The following C7 variants were observed in gnomAD, a reference collection of about 807,000 sequenced individuals.
The protein encoded by C7 is complement component C7.
C7 carries 83 observed loss-of-function variants against 104.8 expected under a neutral mutation model. That is an observed-to-expected ratio of 0.79 (90% CI 0.66 to 0.95). C7 has a LOEUF of 0.95. C7 is among the 40% of genes least tolerant of loss of function. C7 has a pLI of 0.00. For synonymous variants in C7, 415 were observed against 360.6 expected (o/e 1.15, Z -1.71); for missense variants, 1,070 against 1,011.2 (o/e 1.06, Z -0.79).
intron 7 of C7, among the ~76,000 whole-genome samples, chr5:40,947,235 G>T (rs1740068609): frequency 6.6e-6 from 1 of 151,202 alleles, no homozygotes. Context: ...GAGTAGCTGG[G>T]ATTACAGGTG....
At chr5:40,959,184 C>T (rs572384340) in intron 11 of C7, among the ~76,000 whole-genome samples, 40 of 152,238 alleles carry the variant, frequency 2.6e-4, no homozygotes, top group South Asian at 8.3e-4. Flanking sequence ...ATACAACGTA[C>T]GTAAAAGTGC....
At chr5:40,965,697 A>G (rs2111687020) in intron 14 of C7, among the ~76,000 whole-genome samples, 2 of 149,040 alleles carry the variant, frequency 1.3e-5, no homozygotes, top group South Asian at 4.3e-4. Flanking sequence ...GCTGGAGTGC[A>G]GTGGTGCCAT....
rs753987941 is a variant in C7, at chr5:40,931,133, G to A, written c.132G>A (p.Lys44=). Residue 44 remains lysine (K), a synonymous_variant, in exon 3 of 18, where the codon AAG becomes AAA. Coordinates refer to ENST00000313164, the MANE Select transcript of C7 (RefSeq NM_000587.4). Reference sequence around the variant, plus strand: ...GGTCAGAATGCAATGGCTGTACCAAGACTCAGGTAGGACCATGCAAAACTT... The same window carrying A: ...GGTCAGAATGCAATGGCTGTACCAAAACTCAGGTAGGACCATGCAAAACTT... ...APWSECNGCT[K]TQTRRRSVAV... 17 of 1,612,304 alleles carry A rather than the reference G, an allele frequency of 1.1e-5. No individual in the cohort carries two copies. Among genetic ancestry groups the A allele is most frequent in the Non-Finnish European group, 1.4e-5 (16 of 1,178,536 alleles).
chr5:40,919,911 T>A (rs1739404518), intron 1 of C7, among the ~76,000 whole-genome samples: 1 of 151,702 alleles, frequency 6.6e-6, no homozygotes, highest in Non-Finnish European at 1.5e-5. Flanking sequence ...ATAAATAAGC[T>A]AATGTCATAC....
chr5:40,980,640 T>C (rs1740922727), intron 17 of C7, among the ~76,000 whole-genome samples: 1 of 152,202 alleles, frequency 6.6e-6, no homozygotes, highest in Non-Finnish European at 1.5e-5. Flanking sequence ...CAGAGCCAAG[T>C]CACTGTCTGG....
rs11353988 is a variant in C7 at position 40,921,605 on chromosome 5, CAA to C, written c.7-6965_7-6964del. Among the ~76,000 whole-genome samples, 524 of 147,812 alleles carry C rather than the reference CAA, an allele frequency of 3.5e-3. 6 individuals carry two copies. Among genetic ancestry groups the C allele is most frequent in the East Asian group, 0.031 (157 of 5,058 alleles). On this transcript the variant is annotated intron_variant, in intron 1 of 17. Coordinates refer to ENST00000313164, the MANE Select transcript of C7 (RefSeq NM_000587.4). ...TTAAAAAAAACAAAAGTAGTTTATA[CAA>C]AAAAAAAAAGTAGTATGCTAACAAA... is the stretch of plus-strand genomic sequence containing the variant.
rs1215839503 is a variant in C7 at position 40,982,869 on chromosome 5, C to T, written c.*1296C>T. On this transcript the variant is annotated 3_prime_UTR_variant, in exon 18 of 18. Transcript: ENST00000313164. Reference sequence around the variant, plus strand: ...AATACTATCTCTGTATTGTTCTGACCCTGGTAAATATATTTCAAAACTTCA... The same window carrying T: ...AATACTATCTCTGTATTGTTCTGACTCTGGTAAATATATTTCAAAACTTCA... 1 of 152,080 alleles carries T rather than the reference C, an allele frequency of 6.6e-6. No homozygotes were observed. The highest frequency in any genetic ancestry group is 2.4e-5 in the African/African-American group (1 of 41,330). The allele number at this position is 152,080 out of a possible 1,614,324, so 9.4% of individuals were successfully genotyped here.
At chr5:40,917,878 A>G (rs750878820) in intron 1 of C7, among the ~76,000 whole-genome samples, 1 of 152,220 alleles carries the variant, frequency 6.6e-6, no homozygotes, top group Non-Finnish European at 1.5e-5. Context: ...TAACACTAAA[A>G]TAACTTTTCA....
chr5:40,962,189 AT>A lies in C7; in HGVS notation c.1749+24del, dbSNP rs1482400857. On this transcript the variant is annotated intron_variant, in intron 13 of 17. Transcript: ENST00000313164. ...TTTGTTCAAGTTGGTTATGAAAGAT[AT>A]TTTTTTCCTTTATAATGCTCTAACT... The A allele has an allele frequency of 8.3e-6, 12 of 1,438,906 alleles. No homozygotes were observed. Among genetic ancestry groups the A allele is most frequent in the Middle Eastern group, 1.8e-4 (1 of 5,644 alleles). The allele number at this position is 1,438,906 out of a possible 1,614,324, so 89.1% of individuals were successfully genotyped here. A position where few individuals can be genotyped will look rare whatever the true frequency, so the allele number is the denominator to read the frequency against.
rs749663981 is a variant in C7 at position 40,964,882 on chromosome 5, C to G, written c.1882+9C>G. Reference sequence around the variant, plus strand: ...GGAAATGCATTGTCAGAGTGAGTGGCGTCAGTTGTATATAATTTAAGATGA... The same window carrying G: ...GGAAATGCATTGTCAGAGTGAGTGGGGTCAGTTGTATATAATTTAAGATGA... On this transcript the variant is annotated intron_variant, in intron 14 of 17. Coordinates refer to ENST00000313164, the MANE Select transcript of C7 (RefSeq NM_000587.4). The G allele has an allele frequency of 6.2e-7, 1 of 1,613,006 alleles. No homozygotes were observed. The highest frequency in any genetic ancestry group is 1.3e-5 in the African/African-American group (1 of 74,946).
rs181805724 is a variant in C7, at chr5:40,920,102, G to A, written c.7-8478G>A. Among the ~76,000 whole-genome samples, 7 of 151,906 alleles carry A rather than the reference G, an allele frequency of 4.6e-5. No homozygotes were observed. The East Asian group carries it at 1.2e-3, about 25-fold the overall frequency. On this transcript the variant is annotated intron_variant, in intron 1 of 17. Transcript: ENST00000313164. ...ACAAACTAGATTAATTTAAAAAAAA[G>A]AAGATTCATAATACCACAAAAATAC...
rs966064295 is a variant in C7 at position 40,984,279 on chromosome 5, G to A, written c.*2706G>A. On this transcript the variant is annotated 3_prime_UTR_variant, in exon 18 of 18. Transcript: ENST00000313164. Reference sequence around the variant, plus strand: ...CCTTGAAAGAGAAGGAGGGTTCTTCGTATTCAGGTAGGGTATGGTAGGGAT... The same window carrying A: ...CCTTGAAAGAGAAGGAGGGTTCTTCATATTCAGGTAGGGTATGGTAGGGAT... Among the ~76,000 whole-genome samples, 5 of 152,156 alleles carry A rather than the reference G, an allele frequency of 3.3e-5. No homozygotes were observed. The highest frequency in any genetic ancestry group is 1.2e-4 in the African/African-American group (5 of 41,440).
chr5:40,950,049 T>C (rs530015474), intron 9 of C7, 35 bp downstream of exon 9: 1 of 1,257,778 alleles, frequency 8.0e-7, no homozygotes, highest in African/African-American at 1.5e-5. Flanking sequence ...ATTGCAAGCT[T>C]AACTTCTTTT....
chr5:40,937,706 T>C lies in C7; in HGVS notation c.567+16T>C, dbSNP rs375001147. The C allele has an allele frequency of 1.9e-6, 3 of 1,542,380 alleles. No homozygotes were observed. The highest frequency in any genetic ancestry group is 2.5e-5 in the South Asian group (2 of 81,034). ...TACATTCCAGGTACTTACGACGTTA[T>C]TGATTTCCAATCTGGAATTGTCAGA... On this transcript the variant is annotated intron_variant, in intron 6 of 17. Transcript: ENST00000313164.
At chr5:40,920,970 A>G (rs10060965) in intron 1 of C7, among the ~76,000 whole-genome samples, 34,417 of 151,262 alleles carry the variant, frequency 0.23, 4,102 homozygotes, top group East Asian at 0.32. Context: ...AATTGCTTGA[A>G]CTTGGGAGGC....
chr5:40,928,779 G>A lies in C7; in HGVS notation c.62+144G>A, dbSNP rs576600963. The A allele has an allele frequency of 1.7e-5, 9 of 518,082 alleles. No homozygotes were observed. The South Asian group carries it at 2.0e-4, about 12-fold the overall frequency. 32.1% of individuals were successfully genotyped at this position (518,082 alleles called of 1,614,324 possible). A position where few individuals can be genotyped will look rare whatever the true frequency, so the allele number is the denominator to read the frequency against. Reference sequence around the variant, plus strand: ...TTTCCATATTTTTATAAAAGACAATGATAACAAAAGCATGTGTTTTTAATT... The same window carrying A: ...TTTCCATATTTTTATAAAAGACAATAATAACAAAAGCATGTGTTTTTAATT... On this transcript the variant is annotated intron_variant, in intron 2 of 17. Coordinates refer to ENST00000313164, the MANE Select transcript of C7 (RefSeq NM_000587.4).
intron 4 of C7, among the ~76,000 whole-genome samples, chr5:40,934,828 A>T (rs1739780399): frequency 6.6e-6 from 1 of 152,198 alleles, no homozygotes; most frequent in Admixed American, 6.6e-5. Context: ...TATTATATCT[A>T]CAAGAAAAGC....
chr5:40,937,462 T>C (rs2111599933), intron 5 of C7, 90 bp from the exon 6 acceptor site: 9 of 1,319,606 alleles, frequency 6.8e-6, no homozygotes, highest in African/African-American at 1.5e-5. Context: ...ATTTGTAGAG[T>C]TCTGTAATAA....
At position 40,936,499 on chromosome 5, in the gene C7, C is replaced by A. The variant is rs917836453; in HGVS notation, c.428+14C>A. 6.2e-7 allele frequency: 1 copy of A among 1,610,832 alleles called. No homozygotes were observed. Among genetic ancestry groups the A allele is most frequent in the Non-Finnish European group, 8.5e-7 (1 of 1,178,274 alleles). The stretch of plus-strand genomic sequence containing the variant: ...TACTGGAAATGGGTAAGGTGCTGGG[C>A]AGCCTCCTGAGTACATCAGTGAATT... On this transcript the variant is annotated intron_variant, in intron 5 of 17. Coordinates refer to ENST00000313164, the MANE Select transcript of C7 (RefSeq NM_000587.4).
Sources: allele counts gnomAD v4.1 joint callset (sites outside exome capture counted in the v4.1 genomes callset), GRCh38; gene constraint gnomAD v4.1.1; transcripts MANE v1.5; gene names NCBI Gene and HGNC (gene_info 2026-07-23, HGNC 2026-07-21).